Variants in TBC1D30 observed in about 807,000 individuals in gnomAD.
TBC1D30 encodes TBC1 domain family, member 30.
In TBC1D30, 31 loss-of-function variants were observed where a neutral mutation model predicts 63.2. The ratio of observed to expected loss-of-function variants is 0.49; its 90% confidence interval spans 0.37 to 0.66. The LOEUF (loss-of-function observed/expected upper bound fraction) is 0.66, where lower values mean the gene tolerates loss of function less well. TBC1D30 is among the 30% of genes least tolerant of loss of function. TBC1D30 has a pLI of 0.00. For missense variants in TBC1D30, 810 were observed against 953.6 expected, an observed-to-expected ratio of 0.85 and a Z score of 1.98; for synonymous variants, 307 against 361.5, an observed-to-expected ratio of 0.85 and a Z score of 1.71.
At chr12:64,861,113 T>A (rs924394419) in intron 8 of TBC1D30, among the ~76,000 whole-genome samples, 1 of 152,210 alleles carries the variant, frequency 6.6e-6, no homozygotes, top group African/African-American at 2.4e-5. Flanking sequence ...TGTGGATTGA[T>A]TGATGGGATT....
At chr12:64,874,978 C>T (rs1361244556) in intron 11 of TBC1D30, 23 bp from the exon 12 acceptor site, 1 of 1,524,746 alleles carries the variant, frequency 6.6e-7, no homozygotes, top group Non-Finnish European at 8.8e-7. Flanking sequence ...ACACTTCATA[C>T]TACCTTTCAA....
chr12:64,836,953 T>G (rs1875422573), intron 6 of TBC1D30, among the ~76,000 whole-genome samples: 1 of 152,170 alleles, frequency 6.6e-6, no homozygotes, highest in Admixed American at 6.5e-5. Context: ...TACTATCTAG[T>G]TAAACTGCTC....
At chr12:64,868,457 G>C (rs1310079454) in intron 10 of TBC1D30, 1 of 240,812 alleles carries the variant, frequency 4.2e-6, no homozygotes, top group Admixed American at 5.2e-5. Context: ...TAAGAACATA[G>C]AAGTTGCCAG....
intron 2 of TBC1D30, among the ~76,000 whole-genome samples, chr12:64,796,143 GT>G (rs754180803): frequency 1.7e-3 from 222 of 130,026 alleles, no homozygotes; most frequent in South Asian, 5.3e-3. Context: ...AAAGTTAAGA[GT>G]TTTTTTTTTT....
intron 1 of TBC1D30, among the ~76,000 whole-genome samples, chr12:64,783,934 A>G (rs1871419895): frequency 7.4e-6 from 1 of 135,996 alleles, no homozygotes; most frequent in African/African-American, 2.8e-5. Flanking sequence ...CTGGGATTAC[A>G]GGTGTGAGCC....
intron 6 of TBC1D30, among the ~76,000 whole-genome samples, chr12:64,838,375 T>A (rs1425970748): frequency 6.6e-6 from 1 of 152,246 alleles, no homozygotes; most frequent in African/African-American, 2.4e-5. Flanking sequence ...CCTTTCTTTT[T>A]CTTCTGTTTT....
chr12:64,837,233 C>T (rs1386440236), intron 6 of TBC1D30, among the ~76,000 whole-genome samples: 1 of 152,010 alleles, frequency 6.6e-6, no homozygotes, highest in Non-Finnish European at 1.5e-5. Flanking sequence ...GCACCAGGGA[C>T]CAGTTTCCGG....
At chr12:64,790,199 C>T (rs555309044) in intron 2 of TBC1D30, among the ~76,000 whole-genome samples, 4 of 152,188 alleles carry the variant, frequency 2.6e-5, no homozygotes, top group Admixed American at 6.5e-5. Context: ...TTTATTAGAA[C>T]GTGTGGCTTC....
At chr12:64,834,379 G>A (rs1392571450) in intron 5 of TBC1D30, among the ~76,000 whole-genome samples, 2 of 149,720 alleles carry the variant, frequency 1.3e-5, no homozygotes, top group East Asian at 2.0e-4. Context: ...TAAAAATTCA[G>A]AGCTCTCCCA....
At chr12:64,855,047 G>A (rs930855266) in intron 8 of TBC1D30, among the ~76,000 whole-genome samples, 2 of 152,042 alleles carry the variant, frequency 1.3e-5, no homozygotes, top group African/African-American at 2.4e-5. Flanking sequence ...CTTCCTTTAT[G>A]CTTAAAGATA....
rs1376576250 is a variant in TBC1D30, at chr12:64,775,489, TAACAA to T, written c.-375-10385_-375-10381del. Among the ~76,000 whole-genome samples the T allele has an allele frequency of 3.9e-5, 6 of 152,054 alleles. No individual in the cohort carries two copies. In the East Asian group the frequency reaches 1.2e-3, roughly 29 times the overall value. On this transcript the variant is annotated intron_variant, in intron 1 of 13. Coordinates refer to the TBC1D30 transcript ENST00000674237. ...AAGCAGGGGTTGCAATCCTAGTTTC[TAACAA>T]AACAAACTTTAAACCAACAAAGATA...
intron 1 of TBC1D30, among the ~76,000 whole-genome samples, chr12:64,771,798 C>T (rs1409355166): frequency 1.3e-5 from 2 of 152,132 alleles, no homozygotes; most frequent in African/African-American, 4.8e-5. Context: ...CCTGACCATT[C>T]AGTTTGTGTG....
At chr12:64,793,196 C>T (rs973829971) in intron 2 of TBC1D30, among the ~76,000 whole-genome samples, 3 of 151,926 alleles carry the variant, frequency 2.0e-5, no homozygotes, top group Admixed American at 6.6e-5. Flanking sequence ...AACAAAAATT[C>T]GCTGGGCGTT....
chr12:64,797,231 A>G (rs1872333093), intron 2 of TBC1D30, among the ~76,000 whole-genome samples: 1 of 152,126 alleles, frequency 6.6e-6, no homozygotes, highest in Admixed American at 6.6e-5. Context: ...AAGTTTGGGA[A>G]CTGTTGGACT....
chr12:64,851,221 C>T (rs141038608), intron 8 of TBC1D30, among the ~76,000 whole-genome samples: 1,963 of 152,170 alleles, frequency 0.013, 19 homozygotes, highest in Non-Finnish European at 0.022. Context: ...CAAAAAACCA[C>T]CTCCTGGATT....
At chr12:64,834,582 T>G (rs1339023359) in intron 5 of TBC1D30, among the ~76,000 whole-genome samples, 2 of 151,846 alleles carry the variant, frequency 1.3e-5, no homozygotes, top group East Asian at 3.9e-4. Flanking sequence ...AATTTTTATA[T>G]TTTTAGTAGA....
chr12:64,832,039 AT>A, intron 4 of TBC1D30, 79 bp from the exon 5 acceptor site: 1 of 1,333,844 alleles, frequency 7.5e-7, no homozygotes, highest in Non-Finnish European at 9.8e-7. Context: ...GACTCTGTTT[AT>A]TGAGTCAAAA....
chr12:64,840,214 G>A (rs1446703869), intron 7 of TBC1D30, among the ~76,000 whole-genome samples: 1 of 152,024 alleles, frequency 6.6e-6, no homozygotes, highest in Non-Finnish European at 1.5e-5. Context: ...GCTACCTCTT[G>A]CTGCAGCCAT....
intron 8 of TBC1D30, among the ~76,000 whole-genome samples, chr12:64,855,885 G>A (rs776480594): frequency 6.6e-6 from 1 of 152,324 alleles, no homozygotes; most frequent in East Asian, 1.9e-4. Context: ...ACATTGAAGA[G>A]TTAGGTATTA....
Sources: allele counts gnomAD v4.1 joint callset (sites outside exome capture counted in the v4.1 genomes callset), GRCh38; gene constraint gnomAD v4.1.1; transcripts MANE v1.5; gene names NCBI Gene and HGNC (gene_info 2026-07-23, HGNC 2026-07-21).